The following ZKSCAN2 variants were observed in gnomAD, a reference collection of about 807,000 sequenced individuals.
ZKSCAN2 encodes zinc finger protein with KRAB and SCAN domains 2.
ZKSCAN2 carries 38 observed loss-of-function variants against 90.5 expected under a neutral mutation model. That is an observed-to-expected ratio of 0.42 (90% CI 0.32 to 0.55). The LOEUF (loss-of-function observed/expected upper bound fraction) is 0.55. Ranked by LOEUF, ZKSCAN2 falls within the 20% of genes least tolerant of loss-of-function variation. The probability of loss-of-function intolerance (pLI) is 0.11; values close to 1 mark genes in which losing one functional copy is unlikely to be tolerated. For synonymous variants in ZKSCAN2, 429 were observed against 421.6 expected (o/e 1.02, Z -0.22); for missense variants, 1,167 against 1,202.6 (o/e 0.97, Z 0.44).
chr16:25,245,611 T>C (rs1020729489), intron 5 of ZKSCAN2, among the ~76,000 whole-genome samples: 1 of 151,626 alleles, frequency 6.6e-6, no homozygotes, highest in East Asian at 1.9e-4. Flanking sequence ...ACTAAAAATA[T>C]AAAAATTAGC....
intron 6 of ZKSCAN2, among the ~76,000 whole-genome samples, chr16:25,242,695 T>C (rs1329519960): frequency 6.6e-6 from 1 of 152,236 alleles, no homozygotes; most frequent in Admixed American, 6.5e-5. Flanking sequence ...TAGCCAGTAG[T>C]TCCGCTCTGA....
rs1180566011 is a variant in ZKSCAN2, at chr16:25,236,750, T to C, written c.*3066A>G. ...TGAATGAATTAGGTTGAATGCATAATAACATCACTGGTAAGAACTGGAGGT... is the reference window on the plus strand; with the variant it reads ...TGAATGAATTAGGTTGAATGCATAACAACATCACTGGTAAGAACTGGAGGT... On this transcript the variant is annotated 3_prime_UTR_variant, in exon 7 of 7. Transcript: ENST00000328086. 3 of 152,208 alleles carry C rather than the reference T, an allele frequency of 2.0e-5. No individual in the cohort carries two copies. The East Asian group carries it at 5.8e-4, about 29-fold the overall frequency. The allele number at this position is 152,208 out of a possible 1,614,324, so 9.4% of individuals were successfully genotyped here.
intron 4 of ZKSCAN2, among the ~76,000 whole-genome samples, chr16:25,248,187 G>A (rs1373559525): frequency 2.7e-5 from 4 of 150,716 alleles, no homozygotes; most frequent in East Asian, 1.9e-4. Flanking sequence ...ACACTGGTCT[G>A]GGCAATAATT....
rs1963119691 is a variant in ZKSCAN2, at chr16:25,257,232, G to A, written c.-105C>T. The A allele has an allele frequency of 3.3e-6, 5 of 1,496,600 alleles. No homozygotes were observed. Among genetic ancestry groups the A allele is most frequent in the Middle Eastern group, 3.8e-4 (2 of 5,202 alleles). 92.7% of individuals were successfully genotyped at this position (1,496,600 alleles called of 1,614,324 possible). On this transcript the variant is annotated 5_prime_UTR_variant, in exon 1 of 7. Transcript: ENST00000328086. ...TCCTGGGAGTGTGATAAGGTACGGA[G>A]GTAAAAACGGCCAGGTCGGCAGGAA...
rs1962940876 is a variant in ZKSCAN2, at chr16:25,246,842, T to C, written c.1354A>G (p.Ile452Val). ...AAGCTGATGTGTTCCTTAGCACTGA[T>C]GGCAATTCTCTTCAGTCTGGGGACA... is the stretch of plus-strand genomic sequence containing the variant. The part of the protein sequence containing the change: ...IPVPRLKRIA[I>V]SAKEHISLVE... The change falls in exon 5 of 7, where the codon ATC (isoleucine) becomes GTC (valine). Residue 452 changes from isoleucine to valine, a missense_variant. Transcript: ENST00000328086. 6.2e-7 allele frequency: 1 copy of C among 1,614,238 alleles called. No homozygotes were observed. Among genetic ancestry groups the C allele is most frequent in the Non-Finnish European group, 8.5e-7 (1 of 1,180,038 alleles).
intron 4 of ZKSCAN2, among the ~76,000 whole-genome samples, chr16:25,251,282 G>A (rs982553718): frequency 2.0e-5 from 3 of 152,110 alleles, no homozygotes; most frequent in Admixed American, 6.5e-5. Flanking sequence ...ACACGTCAAA[G>A]ATGTCTTTCT....
chr16:25,241,202 C>T (rs916774768), intron 6 of ZKSCAN2, among the ~76,000 whole-genome samples: 2 of 152,200 alleles, frequency 1.3e-5, no homozygotes, highest in Non-Finnish European at 1.5e-5. Context: ...TTCAAATGTT[C>T]TTCTCACTTT....
In ZKSCAN2 at chr16:25,257,844, C is replaced by T. The variant is rs1056097662; in HGVS notation, c.-717G>A. The T allele has an allele frequency of 1.4e-5, 2 of 144,642 alleles. No individual in the cohort carries two copies. The highest frequency in any genetic ancestry group is 2.2e-4 in the South Asian group (1 of 4,590). The allele number at this position is 144,642 out of a possible 1,614,324, so 9.0% of individuals were successfully genotyped here. ...CGGCCCGCGGAGAGCGCGGGGGGCG[C>T]TGGGAACCGCAGTCACGCATGCGCC... is the stretch of plus-strand genomic sequence containing the variant. On this transcript the variant is annotated 5_prime_UTR_variant, in exon 1 of 7. Transcript: ENST00000328086.
At chr16:25,248,282 C>CAAAAAAAAAAAAAAAAAAAAAAAAAA (rs55673563) in intron 4 of ZKSCAN2, among the ~76,000 whole-genome samples, 2 of 23,224 alleles carry the variant, frequency 8.6e-5, no homozygotes, top group African/African-American at 1.6e-4. Flanking sequence ...TTCTATACAG[C>CAAAAAAAAAAAAAAAAAAAAAAAAAA]AAAAAAAAAA....
chr16:25,238,967 G>C lies in ZKSCAN2; in HGVS notation c.*849C>G, dbSNP rs1459364673. 6.6e-6 allele frequency: 1 copy of C among 152,564 alleles called. No homozygotes were observed. Among genetic ancestry groups the C allele is most frequent in the Non-Finnish European group, 1.5e-5 (1 of 68,092 alleles). 9.5% of individuals were successfully genotyped at this position (152,564 alleles called of 1,614,324 possible). On this transcript the variant is annotated 3_prime_UTR_variant, in exon 7 of 7. Coordinates refer to ENST00000328086, the MANE Select transcript of ZKSCAN2 (RefSeq NM_001012981.5). ...CTGAAATCCTACTTTGCTTTAGTGA[G>C]ACACACCACGAGCAGGCCTCCTATT...
At chr16:25,245,379 C>T (rs1216716374) in intron 5 of ZKSCAN2, among the ~76,000 whole-genome samples, 4 of 152,228 alleles carry the variant, frequency 2.6e-5, no homozygotes, top group South Asian at 2.1e-4. Flanking sequence ...GCTAGAATTA[C>T]AGGTATGAAC....
chr16:25,249,120 C>G (rs554329077), intron 4 of ZKSCAN2, among the ~76,000 whole-genome samples: 4 of 152,136 alleles, frequency 2.6e-5, no homozygotes, highest in Admixed American at 2.0e-4. Context: ...AGATGGTTAC[C>G]AGAAGCTGGG....
rs1439325195 is a variant in ZKSCAN2, at chr16:25,238,058, G to A, written c.*1758C>T. ...GAAACATTTATCAATGTCTACCTGA[G>A]TCACCTGCCTTCCAACAGGCCACAC... On this transcript the variant is annotated 3_prime_UTR_variant, in exon 7 of 7. Transcript: ENST00000328086. 1 of 152,218 alleles carries A rather than the reference G, an allele frequency of 6.6e-6. No individual in the cohort carries two copies. Among genetic ancestry groups the A allele is most frequent in the Non-Finnish European group, 1.5e-5 (1 of 68,046 alleles). 9.4% of individuals were successfully genotyped at this position (152,218 alleles called of 1,614,324 possible).
intron 6 of ZKSCAN2, among the ~76,000 whole-genome samples, chr16:25,243,241 CCCATA>C (rs1319506446): frequency 1.3e-5 from 2 of 152,188 alleles, no homozygotes; most frequent in Non-Finnish European, 2.9e-5. Flanking sequence ...CACTGTCTGA[CCCATA>C]CCAACAAAAA....
At chr16:25,244,460 T>C (rs1375891320) in intron 5 of ZKSCAN2, among the ~76,000 whole-genome samples, 184 bp from the exon 6 acceptor site, 1 of 152,166 alleles carries the variant, frequency 6.6e-6, no homozygotes, top group Non-Finnish European at 1.5e-5. Flanking sequence ...TGTAATATCA[T>C]AAAACTAGAA....
Position 25,238,983 on chromosome 16 carries a change from G to A in ZKSCAN2, c.*833C>T, listed in dbSNP as rs1443021104. 6.6e-6 allele frequency: 1 copy of A among 152,560 alleles called. No individual in the cohort carries two copies. Among genetic ancestry groups the A allele is most frequent in the Non-Finnish European group, 1.5e-5 (1 of 68,076 alleles). 9.5% of individuals were successfully genotyped at this position (152,560 alleles called of 1,614,324 possible). A position where few individuals can be genotyped will look rare whatever the true frequency, so the allele number is the denominator to read the frequency against. On this transcript the variant is annotated 3_prime_UTR_variant, in exon 7 of 7. Coordinates refer to ENST00000328086, the MANE Select transcript of ZKSCAN2 (RefSeq NM_001012981.5). ...CTTTAGTGAGACACACCACGAGCAG[G>A]CCTCCTATTCTATCTGAGGAGGGCA...
At position 25,257,314 on chromosome 16, in the gene ZKSCAN2, T is replaced by C. The variant is rs1330547207; in HGVS notation, c.-187A>G. 5 of 1,395,272 alleles carry C rather than the reference T, an allele frequency of 3.6e-6. No homozygotes were observed. The highest frequency in any genetic ancestry group is 3.7e-6 in the Non-Finnish European group (4 of 1,079,718). The allele number at this position is 1,395,272 out of a possible 1,614,324, so 86.4% of individuals were successfully genotyped here. ...TGCCAGGCCCTTGAAAAGGTGAACG[T>C]ATACTCTAAGATGCAAAAGCCTGGC... On this transcript the variant is annotated 5_prime_UTR_variant, in exon 1 of 7. It adds an upstream start codon to the 5' untranslated region. Transcript: ENST00000328086.
rs1963129909 is a variant in ZKSCAN2 at position 25,257,567 on chromosome 16, GC to G, written c.-441del. 1 of 946,568 alleles carries G rather than the reference GC, an allele frequency of 1.1e-6. No individual in the cohort carries two copies. The allele number at this position is 946,568 out of a possible 1,614,324, so 58.6% of individuals were successfully genotyped here. A position where few individuals can be genotyped will look rare whatever the true frequency, so the allele number is the denominator to read the frequency against. On this transcript the variant is annotated 5_prime_UTR_variant, in exon 1 of 7. Coordinates refer to ENST00000328086, the MANE Select transcript of ZKSCAN2 (RefSeq NM_001012981.5). ...GGGTGGGGCCGGATGTGCAGGCCCCGCCCGGCGCCAGGTTCCGGGCTCGGGT... is the reference window on the plus strand; with the variant it reads ...GGGTGGGGCCGGATGTGCAGGCCCCGCCGGCGCCAGGTTCCGGGCTCGGGT...
rs898442259 is a variant in ZKSCAN2 at position 25,257,544 on chromosome 16, G to A, written c.-417C>T. On this transcript the variant is annotated 5_prime_UTR_variant, in exon 1 of 7. Coordinates refer to ENST00000328086, the MANE Select transcript of ZKSCAN2 (RefSeq NM_001012981.5). ...CGCGGAGAGGCGAGTCCCCGAGTGG[G>A]TGGGGCCGGATGTGCAGGCCCCGCC... 8 of 985,228 alleles carry A rather than the reference G, an allele frequency of 8.1e-6. No homozygotes were observed. In the African/African-American group the frequency reaches 1.4e-4, roughly 17 times the overall value. 61.0% of individuals were successfully genotyped at this position (985,228 alleles called of 1,614,324 possible).
Sources: allele counts gnomAD v4.1 joint callset (sites outside exome capture counted in the v4.1 genomes callset), GRCh38; gene constraint gnomAD v4.1.1; transcripts MANE v1.5; gene names NCBI Gene and HGNC (gene_info 2026-07-23, HGNC 2026-07-21).